The following GRM8 variants were observed in gnomAD, a reference collection of about 807,000 sequenced individuals.
The protein encoded by GRM8 is metabotropic glutamate receptor 8.
A neutral mutation model predicts 87.2 loss-of-function variants in GRM8; 47 were observed. The ratio of observed to expected loss-of-function variants is 0.54; its 90% CI spans 0.43 to 0.69. The LOEUF is 0.69. GRM8 is among the 30% of genes least tolerant of loss of function. The pLI is 0.00. For missense variants in GRM8, 1,019 were observed against 1,139.2 expected (o/e 0.89, Z 1.52); for synonymous variants, 396 against 404.5 (o/e 0.98, Z 0.25).
chr7:126,920,205 C>A (rs1187676392), intron 3 of GRM8, among the ~76,000 whole-genome samples: 2 of 152,112 alleles, frequency 1.3e-5, no homozygotes, highest in Non-Finnish European at 2.9e-5. Flanking sequence ...AGGAAGACAG[C>A]CCTCATGAAA....
intron 2 of GRM8, among the ~76,000 whole-genome samples, chr7:127,231,872 C>CT (rs5887330): frequency 0.75 from 111,808 of 149,316 alleles, 42,375 homozygotes; most frequent in East Asian, 0.95. Context: ...TTTTCTTTTT[C>CT]TTTTTTTTTT....
chr7:126,677,207 T>C (rs1807048243), intron 7 of GRM8, among the ~76,000 whole-genome samples: 1 of 152,140 alleles, frequency 6.6e-6, no homozygotes, highest in Non-Finnish European at 1.5e-5. Flanking sequence ...ACAATAGATG[T>C]TGGCACAGAT....
chr7:126,603,554 C>A (rs936201865), intron 8 of GRM8, among the ~76,000 whole-genome samples: 1 of 151,924 alleles, frequency 6.6e-6, no homozygotes, highest in Non-Finnish European at 1.5e-5. Flanking sequence ...GATACAAAAT[C>A]AATGTACAAA....
At chr7:126,458,249 CT>C (rs1803484736) in intron 9 of GRM8, among the ~76,000 whole-genome samples, 1 of 150,912 alleles carries the variant, frequency 6.6e-6, no homozygotes, top group African/African-American at 2.4e-5. Flanking sequence ...ACTAAATTCC[CT>C]ATTTAAATAC....
At chr7:126,465,981 C>T (rs977707839) in intron 9 of GRM8, among the ~76,000 whole-genome samples, 1 of 151,808 alleles carries the variant, frequency 6.6e-6, no homozygotes, top group South Asian at 2.1e-4. Flanking sequence ...TAGATAAATT[C>T]TCTTATATGC....
chr7:127,205,091 G>A, intron 2 of GRM8, among the ~76,000 whole-genome samples: 1 of 152,160 alleles, frequency 6.6e-6, no homozygotes, highest in East Asian at 1.9e-4. Context: ...GATTGTATGA[G>A]ACAAGAAAAT....
chr7:126,653,498 T>A (rs1234287172), intron 7 of GRM8, among the ~76,000 whole-genome samples: 2 of 152,132 alleles, frequency 1.3e-5, no homozygotes, highest in South Asian at 4.1e-4. Flanking sequence ...ATAAGGTAAC[T>A]ACAACAGAAA....
At position 126,766,531 on chromosome 7, in the gene GRM8, C is replaced by T. The variant is rs1427602487; in HGVS notation, c.1357+3334G>A. 3.3e-5 allele frequency among the ~76,000 whole-genome samples: 5 copies of T among 152,028 alleles called. No homozygotes were observed. In the East Asian group the frequency reaches 9.7e-4, roughly 29 times the overall value. ...AATTTTTTTAATTCCTTGAGAGTAC[C>T]TTTTGTAGCTCACTGATCCTGGCAG... On this transcript the variant is annotated intron_variant, in intron 7 of 10. Coordinates refer to ENST00000339582, the MANE Select transcript of GRM8 (RefSeq NM_000845.3).
intron 8 of GRM8, among the ~76,000 whole-genome samples, chr7:126,560,561 A>G (rs1793590649): frequency 1.3e-5 from 2 of 152,328 alleles, no homozygotes; most frequent in Non-Finnish European, 1.5e-5. Context: ...GATAAGATTT[A>G]CTGATCAAAA....
intron 7 of GRM8, among the ~76,000 whole-genome samples, chr7:126,678,566 T>C (rs1167340258): frequency 6.6e-6 from 1 of 152,210 alleles, no homozygotes. Flanking sequence ...TTAAAGCACT[T>C]TTCAAACAGC....
intron 6 of GRM8, among the ~76,000 whole-genome samples, chr7:126,867,348 C>T (rs374383129): frequency 2.0e-4 from 30 of 152,238 alleles, no homozygotes; most frequent in East Asian, 9.7e-4. Context: ...TCCAAACATT[C>T]GCTGTTGTGA....
chr7:127,027,169 A>G (rs888757830), intron 3 of GRM8, among the ~76,000 whole-genome samples: 1 of 151,756 alleles, frequency 6.6e-6, no homozygotes. Flanking sequence ...ATTTCTGAGG[A>G]CTTTGTTCTG....
intron 9 of GRM8, among the ~76,000 whole-genome samples, chr7:126,455,957 G>A (rs1270514602): frequency 6.6e-6 from 1 of 151,402 alleles, no homozygotes. Context: ...AAGGAAGACT[G>A]TGGAATTAAA....
chr7:126,684,011 GTACTC>G (rs1807899012), intron 7 of GRM8, among the ~76,000 whole-genome samples: 2 of 152,258 alleles, frequency 1.3e-5, no homozygotes, highest in South Asian at 4.1e-4. Context: ...TTTCACTACT[GTACTC>G]TACATTGCCT....
chr7:126,898,523 C>T (rs915019899), intron 6 of GRM8, among the ~76,000 whole-genome samples: 31 of 152,154 alleles, frequency 2.0e-4, no homozygotes, highest in Admixed American at 9.8e-4. Flanking sequence ...CCTAGGGGTG[C>T]ATTTGCCCTA....
At chr7:126,977,230 G>T (rs1811082887) in intron 3 of GRM8, among the ~76,000 whole-genome samples, 1 of 152,154 alleles carries the variant, frequency 6.6e-6, no homozygotes, top group South Asian at 2.1e-4. Flanking sequence ...CAGAGGTTCT[G>T]ATTTGTTTTA....
chr7:126,511,963 C>G (rs1265184952), intron 9 of GRM8: 1 of 152,012 alleles, frequency 6.6e-6, no homozygotes, highest in Non-Finnish European at 1.5e-5. Context: ...ACTTTTAAGT[C>G]CTGAAAAGGC....
At chr7:126,665,410 C>G (rs1347072820) in intron 7 of GRM8, among the ~76,000 whole-genome samples, 5 of 152,148 alleles carry the variant, frequency 3.3e-5, no homozygotes, top group Non-Finnish European at 4.4e-5. Context: ...CCATAGAATA[C>G]TATGCAGCCA....
chr7:127,003,236 G>T (rs1362019301), intron 3 of GRM8, among the ~76,000 whole-genome samples: 1 of 151,764 alleles, frequency 6.6e-6, no homozygotes. Context: ...ACTGATGGTT[G>T]ATGTTTACTT....
Sources: allele counts gnomAD v4.1 joint callset (sites outside exome capture counted in the v4.1 genomes callset), GRCh38; gene constraint gnomAD v4.1.1; transcripts MANE v1.5; gene names NCBI Gene and HGNC (gene_info 2026-07-23, HGNC 2026-07-21).